Variants in MED14 observed in about 807,000 individuals in gnomAD.
MED14 encodes the protein mediator complex subunit 14, also known as mediator of RNA polymerase II transcription subunit 14.
In MED14, 8 loss-of-function variants were observed where a neutral mutation model predicts 109.0. The ratio of observed to expected loss-of-function variants is 0.07; its 90% CI spans 0.04 to 0.13. The LOEUF is 0.13. Ranked by LOEUF, MED14 falls within the 10% of genes least tolerant of loss-of-function variation. The pLI is 1.00. For synonymous variants in MED14, 399 were observed against 408.7 expected (o/e 0.98, Z 0.29); for missense variants, 711 against 1,142.4 (o/e 0.62, Z 5.44).
chrX:40,733,886 T>C (rs1345424989), intron 1 of MED14, among the ~76,000 whole-genome samples: 1 of 111,748 alleles, frequency 8.9e-6, no homozygotes, highest in Non-Finnish European at 1.9e-5. Flanking sequence ...GTGCTGGAGA[T>C]ACAAATATGG....
intron 21 of MED14, among the ~76,000 whole-genome samples, chrX:40,677,956 G>A (rs754651065): frequency 1.8e-5 from 2 of 111,693 alleles, no homozygotes; most frequent in Non-Finnish European, 3.8e-5. Context: ...GACAATGATT[G>A]CAACCTAGAG....
In MED14 at chrX:40,681,937, G is replaced by A; in HGVS notation, c.2372C>T (p.Pro791Leu). The A allele has an allele frequency of 9.5e-7, 1 of 1,049,520 alleles. No individual in the cohort carries two copies. Among genetic ancestry groups the A allele is most frequent in the Non-Finnish European group, 1.3e-6 (1 of 776,430 alleles). The allele number at this position is 1,049,520 out of a possible 1,213,427, so 86.5% of individuals were successfully genotyped here. The change falls in exon 19 of 31, where the codon CCT becomes CTT. Residue 791 changes from proline (P) to leucine (L), a missense_variant. Coordinates refer to ENST00000324817, the MANE Select transcript of MED14 (RefSeq NM_004229.4). ...LEFARSLPDI[P>L]AHLNIFSEVR... Reference sequence around the variant, plus strand: ...TTCTGAGAAAATATTTAGATGAGCAGGTATGTCTAAACAGAAGGAAACAAA... The same window carrying A: ...TTCTGAGAAAATATTTAGATGAGCAAGTATGTCTAAACAGAAGGAAACAAA...
chrX:40,680,724 G>T, intron 20 of MED14, 34 bp downstream of exon 20: 1 of 1,149,230 alleles, frequency 8.7e-7, no homozygotes, highest in Non-Finnish European at 1.2e-6. Context: ...GGCATACTAA[G>T]TCTTATTTTT....
intron 25 of MED14, 148 bp from the exon 26 acceptor site, chrX:40,663,308 A>G (rs1189865156): frequency 4.1e-6 from 2 of 490,208 alleles, no homozygotes; most frequent in African/African-American, 4.8e-5. Flanking sequence ...TATATTAACA[A>G]CCTGTTAGCA....
intron 14 of MED14, 142 bp from the exon 15 acceptor site, chrX:40,692,459 G>A (rs1338209300): frequency 9.7e-6 from 5 of 513,831 alleles, no homozygotes; most frequent in Non-Finnish European, 1.2e-5. Context: ...AGTAAATACT[G>A]ACCTAAACAC....
chrX:40,663,732 T>C (rs1318859288), intron 25 of MED14, among the ~76,000 whole-genome samples: 4 of 112,815 alleles, frequency 3.5e-5, no homozygotes, highest in African/African-American at 1.3e-4. Flanking sequence ...AACAATCATA[T>C]ATTGTTTTAA....
At chrX:40,724,132 A>G (rs61669395) in intron 3 of MED14, among the ~76,000 whole-genome samples, 2,246 of 112,509 alleles carry the variant, frequency 0.02, 53 homozygotes, top group African/African-American at 0.069. Context: ...TCAATTCAGC[A>G]AAAGGATATG....
intron 23 of MED14, among the ~76,000 whole-genome samples, chrX:40,671,205 G>A (rs1354931437): frequency 9.0e-6 from 1 of 110,887 alleles, no homozygotes; most frequent in Non-Finnish European, 1.9e-5. Context: ...GAGCAGGGCT[G>A]GTATCCGGTT....
At chrX:40,695,518 A>G (rs781486956) in intron 13 of MED14, among the ~76,000 whole-genome samples, 11 of 112,429 alleles carry the variant, frequency 9.8e-5, no homozygotes, top group Non-Finnish European at 1.9e-4. Flanking sequence ...ATTGCTTTAT[A>G]ATAGATCACT....
intron 22 of MED14, among the ~76,000 whole-genome samples, chrX:40,673,635 T>A (rs1305483717): frequency 1.8e-5 from 2 of 109,959 alleles, no homozygotes; most frequent in Non-Finnish European, 3.8e-5. Context: ...TTACCTGAGG[T>A]CGGGAGTTCG....
intron 28 of MED14, among the ~76,000 whole-genome samples, chrX:40,658,724 G>A (rs1012757146): frequency 2.0e-5 from 2 of 101,683 alleles, no homozygotes; most frequent in East Asian, 6.5e-4. Flanking sequence ...AAAGCCAGGC[G>A]CGGTGGCGTG....
chrX:40,655,011 G>A lies in MED14; in HGVS notation c.4022C>T (p.Thr1341Met). 8.3e-7 allele frequency: 1 copy of A among 1,210,786 alleles called. No individual in the cohort carries two copies. Among genetic ancestry groups the A allele is most frequent in the Non-Finnish European group, 1.1e-6 (1 of 894,816 alleles). ...AATCGGCGGCGCGCTGGGAGGGATC[G>A]TCAGGCAAAACTGAACATTCCATTT... is the stretch of plus-strand genomic sequence containing the variant. ...QLKWNVQFCL[T>M]IPPSAPPIAP... The change falls in exon 29 of 31, where the codon ACG becomes ATG. Residue 1341 changes from threonine (T) to methionine (M), a missense_variant. Coordinates refer to ENST00000324817, the MANE Select transcript of MED14 (RefSeq NM_004229.4).
chrX:40,726,822 C>T lies in MED14; in HGVS notation c.272G>A (p.Arg91Gln). The T allele has an allele frequency of 1.7e-6, 2 of 1,206,411 alleles. No individual in the cohort carries two copies. The highest frequency in any genetic ancestry group is 1.7e-5 in the African/African-American group (1 of 57,595). The change falls in exon 3 of 31, where the codon CGG (arginine) becomes CAG (glutamine). Residue 91 changes from arginine (R) to glutamine (Q), a missense_variant. Coordinates refer to ENST00000324817, the MANE Select transcript of MED14 (RefSeq NM_004229.4). The stretch of plus-strand genomic sequence containing the variant: ...TAATCGAACGAAGAGTTGGCGTGTC[C>T]GGCTAGCAAACTGCACTATTTCTAT... ...RKIEIVQFASRTRQLFVRLLA... is the reference protein window; with the variant it reads ...RKIEIVQFASQTRQLFVRLLA...
chrX:40,666,253 G>A lies in MED14; in HGVS notation c.3265+467C>T, dbSNP rs748092444. ...AACTAGGTGGTTAGTGGAATAAAAA[G>A]GAAACCTTTCATTGACTACTTGTTC... is the stretch of plus-strand genomic sequence containing the variant. On this transcript the variant is annotated intron_variant, in intron 24 of 30. Transcript: ENST00000324817. Among the ~76,000 whole-genome samples, 3 of 111,701 alleles carry A rather than the reference G, an allele frequency of 2.7e-5. No individual in the cohort carries two copies. The South Asian group carries it at 1.1e-3, about 41-fold the overall frequency.
chrX:40,719,710 T>C (rs1478714945), intron 3 of MED14, among the ~76,000 whole-genome samples: 1 of 112,022 alleles, frequency 8.9e-6, no homozygotes. Context: ...TGTTCTAAAA[T>C]TGACTGTGAT....
chrX:40,661,020 T>A (rs1271575008), intron 26 of MED14, among the ~76,000 whole-genome samples: 6 of 112,400 alleles, frequency 5.3e-5, no homozygotes, highest in Non-Finnish European at 1.1e-4. Context: ...GTTCAAGCGA[T>A]TCTCCTGCCT....
chrX:40,669,574 C>A (rs143358574), intron 23 of MED14, among the ~76,000 whole-genome samples: 1,658 of 112,216 alleles, frequency 0.015, 14 homozygotes, highest in Middle Eastern at 0.064. Context: ...GAACTCCCCC[C>A]TCCTTTCTCT....
chrX:40,672,028 G>C lies in MED14; in HGVS notation c.3022-56C>G, dbSNP rs938337899. On this transcript the variant is annotated intron_variant, in intron 22 of 30. Transcript: ENST00000324817. The stretch of plus-strand genomic sequence containing the variant: ...ATGGCCAACCGCACGGAGCATAAGA[G>C]TGTGGCTTTCACTAATTATAGCTAC... 8.5e-6 allele frequency: 6 copies of C among 701,902 alleles called. No homozygotes were observed. In the African/African-American group the frequency reaches 1.3e-4, roughly 15 times the overall value. 57.8% of individuals were successfully genotyped at this position (701,902 alleles called of 1,213,427 possible).
At chrX:40,685,278 G>A (rs1930253692) in intron 16 of MED14, among the ~76,000 whole-genome samples, 2 of 112,000 alleles carry the variant, frequency 1.8e-5, no homozygotes, top group Non-Finnish European at 3.8e-5. Context: ...GCAGATGTGT[G>A]TCAGCTTTGT....
Sources: gnomAD v4.1 joint callset for allele counts (sites outside exome capture counted in the v4.1 genomes callset) on GRCh38, gnomAD v4.1.1 for gene constraint, MANE v1.5 for transcripts, NCBI Gene and HGNC (gene_info 2026-07-23, HGNC 2026-07-21) for gene names.